The following HYDIN variants were observed in gnomAD, a reference collection of about 807,000 sequenced individuals.
HYDIN encodes the protein axonemal central pair apparatus protein HYDIN.
Under a neutral mutation model 403.9 loss-of-function variants are expected in HYDIN, and 132 were observed. The observed-to-expected ratio is 0.33, with a 90% CI of 0.28 to 0.38. HYDIN has a LOEUF of 0.38. Among genes scored for constraint, HYDIN ranks in the 10% least tolerant of loss-of-function variants. The pLI, the probability that HYDIN is intolerant of heterozygous loss-of-function variation, is 1.00. For synonymous variants in HYDIN, 1,202 were observed against 1,891.7 expected (o/e 0.64, Z 9.46); for missense variants, 2,827 against 5,009.5 (o/e 0.56, Z 13.15).
chr16:70,839,668 A>G (rs1408307803), intron 76 of HYDIN, among the ~76,000 whole-genome samples: 1 of 152,210 alleles, frequency 6.6e-6, no homozygotes, highest in African/African-American at 2.4e-5. Context: ...GATGGTGCCG[A>G]GAGGCTGGAT....
At chr16:71,219,306 T>TA (rs1472543112) in intron 1 of HYDIN, among the ~76,000 whole-genome samples, 1 of 152,004 alleles carries the variant, frequency 6.6e-6, no homozygotes, top group South Asian at 2.1e-4. Context: ...AGATGCCATT[T>TA]TAAAAAAAAA....
At chr16:71,007,331 T>C (rs1489189454) in intron 23 of HYDIN, among the ~76,000 whole-genome samples, 1 of 152,174 alleles carries the variant, frequency 6.6e-6, no homozygotes, top group Non-Finnish European at 1.5e-5. Flanking sequence ...GTAAGTCTTA[T>C]TTATCTTTGT....
In HYDIN at chr16:70,920,979, T is replaced by C; in HGVS notation, c.7397A>G (p.Asp2466Gly). ...CCAGTACATGAGGATGTTCTGGACA[T>C]CCTTCAGTGTCAATTCATAGGTCTT... ...KFKTYELTLK[D>G]VQNILMYWDR... Residue 2466 changes from aspartate (D) to glycine (G), a missense_variant, in exon 46 of 86, where the codon GAT becomes GGT. Asp to Gly is a moderately conservative substitution (Grantham distance 94, BLOSUM62 -1). Coordinates refer to ENST00000393567, the MANE Select transcript of HYDIN (RefSeq NM_001270974.2). 1 of 1,588,780 alleles carries C rather than the reference T, an allele frequency of 6.3e-7. No homozygotes were observed. Among genetic ancestry groups the C allele is most frequent in the Non-Finnish European group, 8.6e-7 (1 of 1,164,244 alleles).
chr16:71,109,411 G>T (rs1269207063), intron 10 of HYDIN, among the ~76,000 whole-genome samples: 1 of 135,326 alleles, frequency 7.4e-6, no homozygotes, highest in Non-Finnish European at 1.5e-5. Context: ...TTATTTATAC[G>T]TATTTGCTTC....
chr16:70,881,701 C>CT (rs1193736990), intron 60 of HYDIN, among the ~76,000 whole-genome samples: 1 of 152,176 alleles, frequency 6.6e-6, no homozygotes, highest in Non-Finnish European at 1.5e-5. Context: ...CCAACCATAC[C>CT]TCTCTGCATT....
chr16:70,906,767 T>G lies in HYDIN; in HGVS notation c.8516+605A>C, dbSNP rs2076548364. Among the ~76,000 whole-genome samples the G allele has an allele frequency of 2.0e-5, 3 of 152,162 alleles. No individual in the cohort carries two copies. In the East Asian group the frequency reaches 5.8e-4, roughly 29 times the overall value. ...AGGCCCCTAGTGACCTCCATGTTGT[T>G]GAACCCTGTGGACATCTATGCCCTC... On this transcript the variant is annotated intron_variant, in intron 50 of 85. Transcript: ENST00000393567.
intron 9 of HYDIN, among the ~76,000 whole-genome samples, chr16:71,117,600 C>T (rs899800357): frequency 2.3e-4 from 35 of 151,962 alleles, no homozygotes; most frequent in South Asian, 6.2e-4. Context: ...TGAGCATAAA[C>T]GATCAACACA....
Position 70,838,475 on chromosome 16 carries a change from G to A in HYDIN, c.13044-587C>T, listed in dbSNP as rs530285275. On this transcript the variant is annotated intron_variant, in intron 76 of 85. Coordinates refer to ENST00000393567, the MANE Select transcript of HYDIN (RefSeq NM_001270974.2). ...CAAAGTGCTGGGATTACAGGCCACC[G>A]CGCCCAGCCTGATTCTCGATTTCTT... 5.3e-5 allele frequency among the ~76,000 whole-genome samples: 8 copies of A among 152,234 alleles called. 1 individual carries two copies. In the South Asian group the frequency reaches 6.2e-4, roughly 12 times the overall value.
intron 1 of HYDIN, among the ~76,000 whole-genome samples, chr16:71,195,219 T>A (rs1204721429): frequency 2.0e-5 from 3 of 151,754 alleles, no homozygotes; most frequent in Non-Finnish European, 4.4e-5. Context: ...GGCACGTAAT[T>A]GTTACTGGTG....
chr16:70,911,767 G>A (rs561457211), intron 47 of HYDIN, among the ~76,000 whole-genome samples: 76 of 151,820 alleles, frequency 5.0e-4, no homozygotes, highest in South Asian at 1.9e-3. Context: ...ATTTGTTTGT[G>A]TCATCTATGA....
At chr16:71,008,358 C>T (rs1389819059) in intron 23 of HYDIN, among the ~76,000 whole-genome samples, 2 of 152,000 alleles carry the variant, frequency 1.3e-5, no homozygotes, top group East Asian at 3.9e-4. Flanking sequence ...GTGCCTGGAC[C>T]CCTAAAAGCG....
At chr16:70,840,517 C>T (rs1460431404) in intron 75 of HYDIN, among the ~76,000 whole-genome samples, 1 of 152,164 alleles carries the variant, frequency 6.6e-6, no homozygotes, top group Non-Finnish European at 1.5e-5. Flanking sequence ...AATATCCGCT[C>T]CCCATGGCTT....
intron 18 of HYDIN, among the ~76,000 whole-genome samples, chr16:71,045,447 T>G (rs8063423): frequency 6.6e-6 from 1 of 152,228 alleles, no homozygotes; most frequent in Non-Finnish European, 1.5e-5. Context: ...GTAAAAATTA[T>G]GAGGTTAATG....
intron 18 of HYDIN, among the ~76,000 whole-genome samples, chr16:71,047,079 GA>G (rs2081474372): frequency 6.6e-6 from 1 of 152,066 alleles, no homozygotes; most frequent in Non-Finnish European, 1.5e-5. Flanking sequence ...AATTTAGTTG[GA>G]AAAAATATTT....
rs376492054 is a variant in HYDIN at position 70,962,023 on chromosome 16, G to A, written c.5904C>T (p.Val1968=). 5.1e-6 allele frequency: 6 copies of A among 1,185,706 alleles called. No individual in the cohort carries two copies. The highest frequency in any genetic ancestry group is 7.0e-6 in the Non-Finnish European group (6 of 853,564). 73.4% of individuals were successfully genotyped at this position (1,185,706 alleles called of 1,614,324 possible). The change falls in exon 38 of 86, where the codon GTC becomes GTT. Residue 1968 remains valine, a synonymous_variant. Transcript: ENST00000393567. ...SNLEEWHALL[V]ESKTYLEEEE... ...CTTCCTCTAGGTAGGTTTTGGACTC[G>A]ACCAACAGGGCGTGCCATTCTTCCA...
Position 70,809,930 on chromosome 16 carries a change from C to G in HYDIN, c.14736G>C (p.Leu4912Phe). The change falls in exon 85 of 86, where the codon TTG (leucine) becomes TTC (phenylalanine). Residue 4912 changes from leucine (L) to phenylalanine (F), a missense_variant. Transcript: ENST00000393567. ...GATAGAGCTCATATTGGTAGTAACC[C>G]AAGTCAGTGTTGTGCAAAGTTAGTC... is the stretch of plus-strand genomic sequence containing the variant. ...FGRLTLHNTD[L>F]GYYQYELYLK... 6.2e-7 allele frequency: 1 copy of G among 1,614,150 alleles called. No individual in the cohort carries two copies. Among genetic ancestry groups the G allele is most frequent in the African/African-American group, 1.3e-5 (1 of 75,028 alleles).
At chr16:71,015,716 A>T (rs2080235759) in intron 23 of HYDIN, among the ~76,000 whole-genome samples, 1 of 148,742 alleles carries the variant, frequency 6.7e-6, no homozygotes, top group Non-Finnish European at 1.5e-5. Flanking sequence ...CAAGTGCAGG[A>T]GAGAAGAGGG....
chr16:70,950,188 T>A (rs562749940), intron 41 of HYDIN, among the ~76,000 whole-genome samples: 1 of 150,024 alleles, frequency 6.7e-6, no homozygotes, highest in East Asian at 2.0e-4. Flanking sequence ...CTCTGCTCCA[T>A]CCTCTTACCT....
At position 71,226,514 on chromosome 16, in the gene HYDIN, T is replaced by C. The variant is rs139017061; in HGVS notation, c.-24+4048A>G. ...AACATTGAGGAAAATCTTGTTACCT[T>C]GTGTTAGGCCAAAGGTTTTTAGATA... On this transcript the variant is annotated intron_variant, in intron 1 of 85. Transcript: ENST00000393567. 2.7e-4 allele frequency among the ~76,000 whole-genome samples: 41 copies of C among 152,348 alleles called. No homozygotes were observed. In the Middle Eastern group the frequency reaches 0.01, roughly 38 times the overall value.
Sources: allele counts gnomAD v4.1 joint callset (sites outside exome capture counted in the v4.1 genomes callset), GRCh38; gene constraint gnomAD v4.1.1; transcripts MANE v1.5; gene names NCBI Gene and HGNC (gene_info 2026-07-23, HGNC 2026-07-21).